YWHAZ: variants seen among roughly 807,000 people sequenced by gnomAD.
The protein encoded by YWHAZ is 14-3-3 protein zeta/delta.
For missense variants in YWHAZ, 79 were observed against 284.8 expected (o/e 0.28, Z 5.20); for synonymous variants, 87 against 103.6 (o/e 0.84, Z 0.97).
chr8:100,945,227 C>G (rs573146693), intron 2 of YWHAZ, among the ~76,000 whole-genome samples: 1 of 152,170 alleles, frequency 6.6e-6, no homozygotes, highest in Admixed American at 6.5e-5. Context: ...GACCACTTCC[C>G]GCCATAATGC....
chr8:100,950,624 A>G, intron 1 of YWHAZ: 1 of 971,178 alleles, frequency 1.0e-6, no homozygotes, highest in African/African-American at 1.8e-5. Context: ...CCGGAGCCAG[A>G]GGGAGGAGCA....
chr8:100,951,062 C>CAA, intron 1 of YWHAZ: 1 of 626,094 alleles, frequency 1.6e-6, no homozygotes. Context: ...CGCCCGTTCA[C>CAA]AAGGAGCAAA....
At chr8:100,950,440 C>A in intron 1 of YWHAZ, 1 of 985,366 alleles carries the variant, frequency 1.0e-6, no homozygotes, top group Non-Finnish European at 1.2e-6. Context: ...GAAACGAAAA[C>A]GGGCAGACCC....
At chr8:100,940,079 A>AAAAG (rs1814525480) in intron 2 of YWHAZ, among the ~76,000 whole-genome samples, 2 of 151,588 alleles carry the variant, frequency 1.3e-5, no homozygotes, top group East Asian at 1.9e-4. Flanking sequence ...AAAAAAAAAA[A>AAAAG]GTGAAACACT....
intron 2 of YWHAZ, among the ~76,000 whole-genome samples, chr8:100,945,647 T>A (rs890064381): frequency 6.6e-6 from 1 of 152,180 alleles, no homozygotes; most frequent in African/African-American, 2.4e-5. Flanking sequence ...CTTTTTCTAG[T>A]AGAAATATCA....
intron 2 of YWHAZ, among the ~76,000 whole-genome samples, chr8:100,940,766 G>A (rs749241965): frequency 3.9e-5 from 6 of 152,156 alleles, no homozygotes; most frequent in Non-Finnish European, 7.3e-5. Flanking sequence ...TGAAGATGTG[G>A]AAACAGAGTC....
At chr8:100,925,402 C>T (rs1458673202) in intron 2 of YWHAZ, among the ~76,000 whole-genome samples, 2 of 152,110 alleles carry the variant, frequency 1.3e-5, no homozygotes, top group Non-Finnish European at 2.9e-5. Context: ...TTCATGTGGT[C>T]ATGACATGAA....
chr8:100,943,845 G>A (rs1357801473), intron 2 of YWHAZ, among the ~76,000 whole-genome samples: 1 of 152,028 alleles, frequency 6.6e-6, no homozygotes, highest in East Asian at 1.9e-4. Flanking sequence ...CAATTAGCTG[G>A]GTGTGGTGGC....
At chr8:100,936,843 C>T (rs1228086945) in intron 2 of YWHAZ, among the ~76,000 whole-genome samples, 4 of 151,876 alleles carry the variant, frequency 2.6e-5, no homozygotes, top group Non-Finnish European at 4.4e-5. Context: ...CCAGACAAAT[C>T]GAAACTGAGA....
At chr8:100,950,658 G>T (rs56165483) in intron 1 of YWHAZ, 92,167 of 421,488 alleles carry the variant, frequency 0.22, 954 homozygotes, top group South Asian at 0.31. Flanking sequence ...CCCAAGCCGT[G>T]GGGGGGGGGG....
rs1810790612 is a variant in YWHAZ, at chr8:100,951,615, G to A, written c.-12+314C>T. Reference sequence around the variant, plus strand: ...CATGCCTCGTCCACCTTCGGGAGCCGGCGACAGGGAGATCCCCAGGGATCT... The same window carrying A: ...CATGCCTCGTCCACCTTCGGGAGCCAGCGACAGGGAGATCCCCAGGGATCT... On this transcript the variant is annotated intron_variant, in intron 1 of 5. Transcript: ENST00000395958. The A allele has an allele frequency of 2.3e-5, 23 of 985,430 alleles. No homozygotes were observed. The South Asian group carries it at 1.0e-3, about 44-fold the overall frequency. The allele number at this position is 985,430 out of a possible 1,614,324, so 61.0% of individuals were successfully genotyped here. A position where few individuals can be genotyped will look rare whatever the true frequency, so the allele number is the denominator to read the frequency against.
chr8:100,923,900 T>A (rs1444694550), intron 5 of YWHAZ, 55 bp downstream of exon 5: 2 of 1,439,452 alleles, frequency 1.4e-6, no homozygotes, highest in African/African-American at 1.4e-5. Context: ...TTCCCTAGAG[T>A]AAAACATAAC....
chr8:100,951,493 T>C, intron 1 of YWHAZ: 4 of 984,640 alleles, frequency 4.1e-6, no homozygotes, highest in Non-Finnish European at 4.8e-6. Flanking sequence ...CGCCGCCGAG[T>C]CATTATCTCG....
At chr8:100,929,900 G>A (rs889589159) in intron 2 of YWHAZ, among the ~76,000 whole-genome samples, 1 of 152,194 alleles carries the variant, frequency 6.6e-6, no homozygotes, top group South Asian at 2.1e-4. Flanking sequence ...GTAGAGAATG[G>A]AAGGGAGGAA....
At chr8:100,951,125 C>A (rs945880968) in intron 1 of YWHAZ, 2 of 982,138 alleles carry the variant, frequency 2.0e-6, no homozygotes, top group East Asian at 2.3e-4. Flanking sequence ...TCCTTCCTCC[C>A]ACCGCGGAGC....
intron 1 of YWHAZ, chr8:100,951,504 G>T (rs895790588): frequency 4.1e-6 from 4 of 985,922 alleles, no homozygotes; most frequent in Non-Finnish European, 3.6e-6. Context: ...CATTATCTCG[G>T]GCGGAAGCGA....
chr8:100,952,093 G>T, upstream of YWHAZ: 17 of 987,164 alleles, frequency 1.7e-5, no homozygotes, highest in Non-Finnish European at 2.0e-5. Flanking sequence ...AGCCCCGGCA[G>T]CAGGGGCACC....
chr8:100,949,450 C>G (rs967580438), intron 1 of YWHAZ, among the ~76,000 whole-genome samples: 1 of 152,152 alleles, frequency 6.6e-6, no homozygotes, highest in Non-Finnish European at 1.5e-5. Context: ...CCTACTAGAT[C>G]TCTGCAACAA....
upstream of YWHAZ, chr8:100,953,198 C>T (rs1015930214): frequency 2.0e-6 from 2 of 985,196 alleles, no homozygotes; most frequent in African/African-American, 3.5e-5. Flanking sequence ...ACCCGTTTCT[C>T]GTAGGCTAGG....
Sources: allele counts gnomAD v4.1 joint callset (sites outside exome capture counted in the v4.1 genomes callset), GRCh38; gene constraint gnomAD v4.1.1; transcripts MANE v1.5; gene names NCBI Gene and HGNC (gene_info 2026-07-23, HGNC 2026-07-21).